Variants in BTBD18 observed in about 807,000 individuals in gnomAD.
BTBD18 encodes the protein BTB/POZ domain-containing protein 18.
For missense variants in BTBD18, 787 were observed against 846.3 expected, an observed-to-expected ratio of 0.93 and a Z score of 0.87; for synonymous variants, 311 against 324.4, an observed-to-expected ratio of 0.96 and a Z score of 0.44.
In BTBD18 at chr11:57,749,871, C is replaced by T. The variant is rs539181612; in HGVS notation, c.124+1194G>A. On this transcript the variant is annotated intron_variant, in intron 2 of 2. Transcript: ENST00000422652. ...TTTTTATAAATGAAGACATTGAGCC[C>T]CAGAGAGATGAAGTTACCTGCCCAT... is the stretch of plus-strand genomic sequence containing the variant. Among the ~76,000 whole-genome samples the T allele has an allele frequency of 3.3e-5, 5 of 152,028 alleles. No homozygotes were observed. The South Asian group carries it at 1.0e-3, about 32-fold the overall frequency.
In BTBD18 at chr11:57,751,151, T is replaced by A; in HGVS notation, c.38A>T (p.Asn13Ile). 6.5e-7 allele frequency: 1 copy of A among 1,549,772 alleles called. No homozygotes were observed. Among genetic ancestry groups the A allele is most frequent in the Non-Finnish European group, 8.7e-7 (1 of 1,146,322 alleles). The change falls in exon 2 of 3, where the codon AAC becomes ATC. Residue 13 changes from asparagine to isoleucine, a missense_variant. By Grantham distance (149) the Asn-to-Ile change is moderately radical (BLOSUM62 -3). Coordinates refer to ENST00000422652, the MANE Select transcript of BTBD18 (RefSeq NM_001145101.3). ...SPASPKILYR[N>I]PRFLRLAFLQ... ...AAAAGCTAACCTGAGGAACCGGGGG[T>A]TCCTGTATAGGATTTTGGGACTGGC...
At chr11:57,747,810 G>GT (rs1167049961) in intron 2 of BTBD18, among the ~76,000 whole-genome samples, 1 of 151,814 alleles carries the variant, frequency 6.6e-6, no homozygotes, top group African/African-American at 2.4e-5. Flanking sequence ...GGGTTGTTTT[G>GT]TTTTTTTGAG....
chr11:57,751,410 T>C (rs904694198), intron 1 of BTBD18, 131 bp downstream of exon 1: 2 of 395,850 alleles, frequency 5.1e-6, no homozygotes. Context: ...TGGTTACATG[T>C]GGGAGCTCAG....
chr11:57,748,970 C>T (rs1390474774), intron 2 of BTBD18, among the ~76,000 whole-genome samples: 1 of 152,148 alleles, frequency 6.6e-6, no homozygotes, highest in Non-Finnish European at 1.5e-5. Context: ...ACGAACAAAC[C>T]CGTGGTCACA....
chr11:57,751,275 T>C, intron 1 of BTBD18, 39 bp from the exon 2 acceptor site: 6 of 1,134,254 alleles, frequency 5.3e-6, no homozygotes, highest in Non-Finnish European at 7.0e-6. Flanking sequence ...CATGGTTACA[T>C]CTAATTTGTT....
chr11:57,752,776 A>G (rs1013598779), upstream of BTBD18, among the ~76,000 whole-genome samples: 1 of 152,222 alleles, frequency 6.6e-6, no homozygotes, highest in African/African-American at 2.4e-5. Flanking sequence ...AGGTGGGCCA[A>G]CGGCTGAGTG....
In BTBD18 at chr11:57,744,036, T is replaced by A. The variant is rs1177289282; in HGVS notation, c.*98A>T. On this transcript the variant is annotated 3_prime_UTR_variant, in exon 3 of 3. Coordinates refer to ENST00000422652, the MANE Select transcript of BTBD18 (RefSeq NM_001145101.3). Reference sequence around the variant, plus strand: ...CAAAGAGCCAGGGTACACCTGCCTCTTGTGCTGAGGGCACGTGCCAGCTTC... The same window carrying A: ...CAAAGAGCCAGGGTACACCTGCCTCATGTGCTGAGGGCACGTGCCAGCTTC... The A allele has an allele frequency of 1.1e-6, 1 of 895,698 alleles. No homozygotes were observed. The highest frequency in any genetic ancestry group is 1.7e-6 in the Non-Finnish European group (1 of 590,716). The allele number at this position is 895,698 out of a possible 1,614,324, so 55.5% of individuals were successfully genotyped here.
In BTBD18 at chr11:57,751,230, C is replaced by A; in HGVS notation, c.-42G>T. On this transcript the variant is annotated 5_prime_UTR_variant, in exon 2 of 3. Transcript: ENST00000422652. ...ACAAACCTTCTAGGTTTTCACAGAT[C>A]AGACTCCTGTAGGTGAGATAATACA... 1 of 1,479,980 alleles carries A rather than the reference C, an allele frequency of 6.8e-7. No individual in the cohort carries two copies. The highest frequency in any genetic ancestry group is 2.6e-5 in the Admixed American group (1 of 38,896). 91.7% of individuals were successfully genotyped at this position (1,479,980 alleles called of 1,614,324 possible). A position where few individuals can be genotyped will look rare whatever the true frequency, so the allele number is the denominator to read the frequency against.
At chr11:57,747,372 C>T (rs528322567) in intron 2 of BTBD18, among the ~76,000 whole-genome samples, 1 of 152,316 alleles carries the variant, frequency 6.6e-6, no homozygotes, top group Non-Finnish European at 1.5e-5. Context: ...TTATTCCCCA[C>T]CCCAAAAAAC....
In BTBD18 at chr11:57,743,868, T is replaced by C. The variant is rs1156830303; in HGVS notation, c.*266A>G. On this transcript the variant is annotated 3_prime_UTR_variant, in exon 3 of 3. Transcript: ENST00000422652. ...GGCTGTTACCTATGACCCACCAGAATTGGGGAGCACACAGTTTGTTTCAGT... is the reference window on the plus strand; with the variant it reads ...GGCTGTTACCTATGACCCACCAGAACTGGGGAGCACACAGTTTGTTTCAGT... The C allele has an allele frequency of 2.8e-6, 1 of 351,448 alleles. No individual in the cohort carries two copies. Among genetic ancestry groups the C allele is most frequent in the Non-Finnish European group, 5.2e-6 (1 of 191,222 alleles). 21.8% of individuals were successfully genotyped at this position (351,448 alleles called of 1,614,324 possible). A position where few individuals can be genotyped will look rare whatever the true frequency, so the allele number is the denominator to read the frequency against.
At position 57,744,438 on chromosome 11, in the gene BTBD18, T is replaced by A. The variant is rs1250014339; in HGVS notation, c.1835A>T (p.His612Leu). The change falls in exon 3 of 3, where the codon CAT becomes CTT. Residue 612 changes from histidine to leucine, a missense_variant. His to Leu is a moderately conservative substitution (Grantham distance 99, BLOSUM62 -3). Transcript: ENST00000422652. ...CTGGGGAGTATCAAGGGAGCTGACA[T>A]GGAGAAGTTTGTCTTCCTGACCATC... Reference protein sequence around the residue: ...PLDGQEDKLLHVSSLDTPQRS... With the variant: ...PLDGQEDKLLLVSSLDTPQRS... 6.4e-7 allele frequency: 1 copy of A among 1,551,606 alleles called. No individual in the cohort carries two copies. The highest frequency in any genetic ancestry group is 1.2e-5 in the South Asian group (1 of 84,056).
chr11:57,746,518 C>T (rs1356084788), intron 2 of BTBD18, among the ~76,000 whole-genome samples: 1 of 151,986 alleles, frequency 6.6e-6, no homozygotes, highest in African/African-American at 2.4e-5. Context: ...TTAGTAGAGA[C>T]GGGGTTTCAC....
chr11:57,744,659 T>C lies in BTBD18; in HGVS notation c.1614A>G (p.Glu538=). ...TGTCTGGTAGACACCATTCTTCCCC[T>C]TCAATCCAGTTCTTTCCTGTTTCTG... ...HLTETGKNWI[E]GEEWCLPDME... The change falls in exon 3 of 3, where the codon GAA becomes GAG. Residue 538 remains glutamate, a synonymous_variant. Transcript: ENST00000422652. The C allele has an allele frequency of 6.4e-7, 1 of 1,551,710 alleles. No individual in the cohort carries two copies.
intron 2 of BTBD18, among the ~76,000 whole-genome samples, chr11:57,749,745 CAAAAAAAAAAAAA>C (rs576323420): frequency 3.2e-5 from 2 of 62,946 alleles, no homozygotes; most frequent in Admixed American, 2.4e-4. Flanking sequence ...GCAAGAATCT[CAAAAAAAAAAAAA>C]AAAAAAAAAA....
chr11:57,747,682 A>G (rs1380434651), intron 2 of BTBD18, among the ~76,000 whole-genome samples: 1 of 151,978 alleles, frequency 6.6e-6, no homozygotes, highest in Non-Finnish European at 1.5e-5. Context: ...TATTTTTAGT[A>G]GAGACAGGGT....
chr11:57,744,454 C>T lies in BTBD18; in HGVS notation c.1819G>A (p.Glu607Lys). ...GAGCTGACATGGAGAAGTTTGTCTTCCTGACCATCCAGTGGCTGGGAGCTG... is the reference window on the plus strand; with the variant it reads ...GAGCTGACATGGAGAAGTTTGTCTTTCTGACCATCCAGTGGCTGGGAGCTG... Reference protein sequence around the residue: ...ITSSQPLDGQEDKLLHVSSLD... With the variant: ...ITSSQPLDGQKDKLLHVSSLD... Residue 607 changes from glutamate to lysine, a missense_variant, in exon 3 of 3, where the codon GAA becomes AAA. Glu to Lys is a moderately conservative substitution (Grantham distance 56). Coordinates refer to ENST00000422652, the MANE Select transcript of BTBD18 (RefSeq NM_001145101.3). The T allele has an allele frequency of 1.3e-6, 2 of 1,551,664 alleles. No individual in the cohort carries two copies. The highest frequency in any genetic ancestry group is 8.7e-7 in the Non-Finnish European group (1 of 1,146,976).
chr11:57,744,883 T>G lies in BTBD18; in HGVS notation c.1390A>C (p.Arg464=). ...EKEPMLAIDC[R]EPYAFDTALL... is the part of the protein sequence containing the mutation. Reference sequence around the variant, plus strand: ...GCTGTGTCAAATGCATAGGGTTCTCTGCAGTCAATAGCCAACATAGGTTCC... The same window carrying G: ...GCTGTGTCAAATGCATAGGGTTCTCGGCAGTCAATAGCCAACATAGGTTCC... The change falls in exon 3 of 3, where the codon AGA becomes CGA. Residue 464 remains arginine (R), a synonymous_variant. Transcript: ENST00000422652. 1.3e-6 allele frequency: 2 copies of G among 1,551,686 alleles called. No individual in the cohort carries two copies. Among genetic ancestry groups the G allele is most frequent in the Non-Finnish European group, 1.7e-6 (2 of 1,146,958 alleles).
In BTBD18 at chr11:57,745,533, G is replaced by A. The variant is rs1290544953; in HGVS notation, c.740C>T (p.Pro247Leu). 6.5e-7 allele frequency: 1 copy of A among 1,549,874 alleles called. No individual in the cohort carries two copies. The highest frequency in any genetic ancestry group is 1.4e-5 in the African/African-American group (1 of 73,180). ...GTCCACAGAGGGGTACAAGCTGGGT[G>A]GGGAGAGCACTGTAGGATCAAGGGC... ...DTALDPTVLS[P>L]PSLYPSVDKH... The change falls in exon 3 of 3, where the codon CCA becomes CTA. Residue 247 changes from proline (P) to leucine (L), a missense_variant. Physicochemically the swap from Pro to Leu is moderately conservative, Grantham distance 98. Transcript: ENST00000422652.
rs1446122728 is a variant in BTBD18 at position 57,745,768 on chromosome 11, T to C, written c.505A>G (p.Thr169Ala). ...PSHHPHTPLP[T>A]NQTPCPLGAI... ...CCAAGAGGACAAGGAGTTTGATTAG[T>C]GGGCAGTGGGGTGTGAGGGTGGTGG... The change falls in exon 3 of 3, where the codon ACT (threonine) becomes GCT (alanine). Residue 169 changes from threonine (T) to alanine (A), a missense_variant. Physicochemically the swap from Thr to Ala is moderately conservative, Grantham distance 58. Coordinates refer to ENST00000422652, the MANE Select transcript of BTBD18 (RefSeq NM_001145101.3). 8.4e-6 allele frequency: 13 copies of C among 1,551,576 alleles called. No homozygotes were observed. The East Asian group carries it at 2.7e-4, about 32-fold the overall frequency.
Sources: gnomAD v4.1 joint callset for allele counts (sites outside exome capture counted in the v4.1 genomes callset) on GRCh38, gnomAD v4.1.1 for gene constraint, MANE v1.5 for transcripts, NCBI Gene and HGNC (gene_info 2026-07-23, HGNC 2026-07-21) for gene names.